SGCD: variants seen among roughly 807,000 people sequenced by gnomAD.
The protein encoded by SGCD is delta-sarcoglycan.
Under a neutral mutation model 36.6 loss-of-function variants are expected in SGCD, and 18 were observed. The ratio of observed to expected loss-of-function variants is 0.49; its 90% confidence interval spans 0.34 to 0.73. The LOEUF (loss-of-function observed/expected upper bound fraction) is 0.73, where lower values mean the gene tolerates loss of function less well. Among genes scored for constraint, SGCD ranks in the 30% least tolerant of loss-of-function variants. SGCD has a pLI of 0.01. For missense variants in SGCD, 387 were observed against 346.7 expected, an observed-to-expected ratio of 1.12 and a Z score of -0.92; for synonymous variants, 133 against 130.6, an observed-to-expected ratio of 1.02 and a Z score of -0.12.
intron 7 of SGCD, among the ~76,000 whole-genome samples, chr5:156,700,679 C>A (rs1025050603): frequency 6.6e-6 from 1 of 152,126 alleles, no homozygotes; most frequent in African/African-American, 2.4e-5. Flanking sequence ...CATGGTGGCT[C>A]ACACCTGTAA....
intron 7 of SGCD, among the ~76,000 whole-genome samples, chr5:156,735,505 G>A (rs183346184): frequency 9.5e-4 from 144 of 152,288 alleles, no homozygotes; most frequent in African/African-American, 3.4e-3. Context: ...TCAGGCATCT[G>A]CTTAAAGAAA....
intron 3 of SGCD, among the ~76,000 whole-genome samples, chr5:156,362,377 G>T (rs1171975667): frequency 3.3e-5 from 5 of 152,326 alleles, no homozygotes; most frequent in African/African-American, 1.2e-4. Flanking sequence ...CTGGCACGTG[G>T]TGGCTCATGC....
intron 4 of SGCD, among the ~76,000 whole-genome samples, chr5:156,566,377 A>T (rs171690): frequency 0.13 from 19,259 of 152,188 alleles, 1,374 homozygotes; most frequent in Admixed American, 0.17. Context: ...TTGCAATAAG[A>T]TCACACCAGT....
At chr5:156,266,039 T>A (rs17628942) in intron 3 of SGCD, among the ~76,000 whole-genome samples, 32,571 of 152,164 alleles carry the variant, frequency 0.21, 3,903 homozygotes, top group Admixed American at 0.27. Context: ...ATTGTACTTG[T>A]TAGAAATATT....
intron 1 of SGCD, among the ~76,000 whole-genome samples, chr5:155,900,812 T>A (rs538004884): frequency 6.6e-6 from 1 of 152,212 alleles, no homozygotes; most frequent in South Asian, 2.1e-4. Flanking sequence ...TCAATAAAGA[T>A]TTTTCCAACT....
At chr5:156,649,085 A>T (rs1000090999) in intron 7 of SGCD, among the ~76,000 whole-genome samples, 3 of 152,206 alleles carry the variant, frequency 2.0e-5, no homozygotes, top group Non-Finnish European at 4.4e-5. Flanking sequence ...GAAGACATTT[A>T]TGCAGCCAGA....
intron 1 of SGCD, among the ~76,000 whole-genome samples, chr5:155,971,071 G>A (rs1364599509): frequency 2.0e-5 from 3 of 152,114 alleles, no homozygotes; most frequent in African/African-American, 7.2e-5. Flanking sequence ...CATTTATTAG[G>A]AAAGATAGCA....
rs182862960 is a variant in SGCD, at chr5:156,227,764, G to C, written c.-43-101770G>C. ...CTGTTTGTGCCCTTTCAGACTTTTC[G>C]ATGTAGGCATTTAGGGCTATGAACT... On this transcript the variant is annotated intron_variant, in intron 3 of 9. Transcript: ENST00000517913. Among the ~76,000 whole-genome samples the C allele has an allele frequency of 4.6e-5, 7 of 152,146 alleles. No homozygotes were observed. The East Asian group carries it at 1.2e-3, about 25-fold the overall frequency.
At chr5:156,750,292 T>G (rs998265694) in intron 7 of SGCD, among the ~76,000 whole-genome samples, 3 of 152,194 alleles carry the variant, frequency 2.0e-5, no homozygotes, top group African/African-American at 7.2e-5. Flanking sequence ...AAATTTCCTC[T>G]TTAAGGTGAG....
At chr5:156,705,524 T>C (rs1754704754) in intron 7 of SGCD, among the ~76,000 whole-genome samples, 1 of 152,182 alleles carries the variant, frequency 6.6e-6, no homozygotes, top group African/African-American at 2.4e-5. Flanking sequence ...TATTATGACA[T>C]AACAACCTAA....
intron 1 of SGCD, among the ~76,000 whole-genome samples, chr5:155,965,478 C>T (rs1480466417): frequency 6.6e-6 from 1 of 152,106 alleles, no homozygotes; most frequent in Non-Finnish European, 1.5e-5. Flanking sequence ...CTTTGCATTA[C>T]TACATTGTAG....
At chr5:156,199,698 A>T (rs894055327) in intron 3 of SGCD, among the ~76,000 whole-genome samples, 1 of 152,096 alleles carries the variant, frequency 6.6e-6, no homozygotes, top group Non-Finnish European at 1.5e-5. Context: ...GTGTTTATAG[A>T]TCATTCACTC....
At position 156,705,942 on chromosome 5, in the gene SGCD, T is replaced by C. The variant is rs564846289; in HGVS notation, c.576-51639T>C. 4.6e-5 allele frequency among the ~76,000 whole-genome samples: 7 copies of C among 152,334 alleles called. No homozygotes were observed. In the South Asian group the frequency reaches 1.4e-3, roughly 32 times the overall value. Reference sequence around the variant, plus strand: ...TTTTCATTCATGGTGAGTTCAAATATGTTTACTAAAATACTTCAATCAACC... The same window carrying C: ...TTTTCATTCATGGTGAGTTCAAATACGTTTACTAAAATACTTCAATCAACC... On this transcript the variant is annotated intron_variant, in intron 7 of 8. Coordinates refer to ENST00000337851, the MANE Select transcript of SGCD (RefSeq NM_000337.6).
intron 1 of SGCD, among the ~76,000 whole-genome samples, chr5:155,913,110 T>G (rs1192067557): frequency 6.6e-6 from 1 of 152,206 alleles, no homozygotes; most frequent in Non-Finnish European, 1.5e-5. Flanking sequence ...TCTTTCCTAC[T>G]CTTTGGTAAC....
chr5:156,742,098 G>A (rs926635909), intron 7 of SGCD, among the ~76,000 whole-genome samples: 2 of 152,082 alleles, frequency 1.3e-5, no homozygotes, highest in Admixed American at 1.3e-4. Context: ...AGATGGTCTC[G>A]ATCTCCTGAC....
chr5:156,359,165 A>G (rs1332071400), intron 3 of SGCD, among the ~76,000 whole-genome samples: 2 of 152,220 alleles, frequency 1.3e-5, no homozygotes, highest in African/African-American at 4.8e-5. Context: ...ACTCATAGTG[A>G]ATACAAATAC....
chr5:156,501,178 C>G (rs542621406), intron 3 of SGCD, among the ~76,000 whole-genome samples: 4 of 152,254 alleles, frequency 2.6e-5, no homozygotes, highest in South Asian at 2.1e-4. Flanking sequence ...TGTCTACTGC[C>G]CCCCACCCAT....
At chr5:156,667,483 A>G (rs1284676318) in intron 7 of SGCD, among the ~76,000 whole-genome samples, 1 of 152,168 alleles carries the variant, frequency 6.6e-6, no homozygotes, top group African/African-American at 2.4e-5. Flanking sequence ...TTTGTTTTGC[A>G]TTTATAGGAT....
chr5:156,126,607 A>T (rs1762177660), intron 3 of SGCD, among the ~76,000 whole-genome samples: 1 of 152,182 alleles, frequency 6.6e-6, no homozygotes, highest in South Asian at 2.1e-4. Flanking sequence ...AAGAAGAAGG[A>T]AATGAGGCAG....
Sources: allele counts gnomAD v4.1 joint callset (sites outside exome capture counted in the v4.1 genomes callset), GRCh38; gene constraint gnomAD v4.1.1; transcripts MANE v1.5; gene names NCBI Gene and HGNC (gene_info 2026-07-23, HGNC 2026-07-21).